STXBP2: variants seen among roughly 807,000 people sequenced by gnomAD.
STXBP2 encodes the protein syntaxin-binding protein 2.
Under a neutral mutation model 72.2 loss-of-function variants are expected in STXBP2, and 47 were observed. That is an observed-to-expected ratio of 0.65 (90% CI 0.51 to 0.83). STXBP2 has a LOEUF of 0.83. Ranked by LOEUF, STXBP2 falls within the 40% of genes least tolerant of loss-of-function variation. The pLI, the probability that STXBP2 is intolerant of heterozygous loss-of-function variation, is 0.00. For synonymous variants in STXBP2, 367 were observed against 338.7 expected (o/e 1.08, Z -0.92); for missense variants, 702 against 807.6 (o/e 0.87, Z 1.58).
chr19:7,630,710 G>A, the STXBP2 span: 2 of 1,531,524 alleles, frequency 1.3e-6, no homozygotes, highest in Non-Finnish European at 1.8e-6. Flanking sequence ...GGGAGAGGGT[G>A]TGGGGCAGCA....
At chr19:7,637,236 T>C in intron 1 of STXBP2, 50 bp downstream of exon 1, 1 of 1,201,068 alleles carries the variant, frequency 8.3e-7, no homozygotes. Flanking sequence ...GGGACGGGGG[T>C]CGGGGACGCA....
In STXBP2 at chr19:7,645,320, G is replaced by A. The variant is rs373620307; in HGVS notation, c.1356+14G>A. 60 of 1,566,960 alleles carry A rather than the reference G, an allele frequency of 3.8e-5. No homozygotes were observed. The East Asian group carries it at 7.6e-4, about 20-fold the overall frequency. Reference sequence around the variant, plus strand: ...ACCAACCCCGGGGTACGCCAGGAGCGGGCATGGGGGGACCCTGGGAGAGGG... The same window carrying A: ...ACCAACCCCGGGGTACGCCAGGAGCAGGCATGGGGGGACCCTGGGAGAGGG... On this transcript the variant is annotated intron_variant, in intron 15 of 18. Coordinates refer to ENST00000221283, the MANE Select transcript of STXBP2 (RefSeq NM_006949.4).
upstream of STXBP2, chr19:7,633,536 G>A (rs558700311): frequency 2.1e-5 from 29 of 1,410,012 alleles, 1 homozygote; most frequent in East Asian, 2.0e-4. Flanking sequence ...CGTCCAGGAC[G>A]TGGGGGTGTG....
intron 13 of STXBP2, among the ~76,000 whole-genome samples, chr19:7,643,891 G>A (rs2032009199): frequency 6.8e-6 from 1 of 147,720 alleles, no homozygotes; most frequent in African/African-American, 2.5e-5. Context: ...GGAGAGGTGG[G>A]ACCTGAGTGA....
chr19:7,633,731 ACT>A (rs1385204112), upstream of STXBP2: 2 of 505,498 alleles, frequency 4.0e-6, no homozygotes, highest in Admixed American at 3.7e-5. Context: ...GACCCCAGGG[ACT>A]CTCAGGTGTG....
At chr19:7,637,323 G>T in intron 1 of STXBP2, 137 bp downstream of exon 1, 1 of 764,934 alleles carries the variant, frequency 1.3e-6, no homozygotes, top group East Asian at 3.5e-5. Context: ...TGACCCTCGA[G>T]GGGGCGGGCG....
At chr19:7,640,461 TGC>T (rs756274596) in intron 4 of STXBP2, 1 of 673,010 alleles carries the variant, frequency 1.5e-6, no homozygotes, top group South Asian at 1.5e-5. Flanking sequence ...TGTATGTGTG[TGC>T]ATCTCTGTGT....
upstream of STXBP2, chr19:7,632,718 C>A: frequency 6.4e-7 from 1 of 1,558,244 alleles, no homozygotes; most frequent in Non-Finnish European, 8.6e-7. This position sits in a 1 kb window ranked among gnomAD's most constrained non-coding sequence, Gnocchi z 5.2. Context: ...ATGCTCACGG[C>A]TCTTGGTGGT....
At chr19:7,646,675 G>C (rs1445608027) in intron 16 of STXBP2, 1 of 444,674 alleles carries the variant, frequency 2.2e-6, no homozygotes, top group African/African-American at 2.0e-5. Context: ...CCATCCAATG[G>C]CAATGGGCCT....
At chr19:7,647,541 C>A in intron 18 of STXBP2, 30 bp downstream of exon 18, 1 of 1,572,792 alleles carries the variant, frequency 6.4e-7, no homozygotes, top group Non-Finnish European at 8.6e-7. Flanking sequence ...ACCCTGGGGT[C>A]TGGGGCTTGG....
the STXBP2 span, chr19:7,630,574 T>C: frequency 6.5e-7 from 1 of 1,536,554 alleles, no homozygotes; most frequent in South Asian, 1.2e-5. Context: ...CCATTCCAGA[T>C]GATAATCTAC....
In STXBP2 at chr19:7,639,812, C is replaced by G. The variant is rs369629603; in HGVS notation, c.246+5C>G. 2.0e-5 allele frequency: 33 copies of G among 1,613,720 alleles called. No individual in the cohort carries two copies. Among genetic ancestry groups the G allele is most frequent in the East Asian group, 4.5e-5 (2 of 44,898 alleles). Reference sequence around the variant, plus strand: ...TTGCTGAGCCCCACGGAGAAGGTGCCTACATGAGTGAGCGTGTGTGTATGC... The same window carrying G: ...TTGCTGAGCCCCACGGAGAAGGTGCGTACATGAGTGAGCGTGTGTGTATGC... On this transcript the variant is annotated splice_donor_5th_base_variant and intron_variant, in intron 4 of 18. Coordinates refer to ENST00000221283, the MANE Select transcript of STXBP2 (RefSeq NM_006949.4).
At chr19:7,641,038 G>C (rs1225514226) in intron 6 of STXBP2, 35 bp downstream of exon 6, 2 of 1,606,488 alleles carry the variant, frequency 1.2e-6, no homozygotes, top group African/African-American at 2.7e-5. Flanking sequence ...AGGGGGTGGG[G>C]GTTTGTGACC....
upstream of STXBP2, chr19:7,632,122 G>A: frequency 5.2e-6 from 3 of 575,940 alleles, no homozygotes; most frequent in South Asian, 2.5e-5. This position sits in a 1 kb window ranked among gnomAD's most constrained non-coding sequence, Gnocchi z 5.2. Context: ...TCCTAGGAAG[G>A]GGTCCTATTT....
chr19:7,640,482 GTGTA>G (rs759104025), intron 4 of STXBP2: 50 of 682,928 alleles, frequency 7.3e-5, no homozygotes, highest in Admixed American at 3.9e-4. Context: ...GTGTGCATGT[GTGTA>G]TGTGTGTGTG....
chr19:7,632,822 G>A (rs940256441), upstream of STXBP2: 3 of 1,551,996 alleles, frequency 1.9e-6, no homozygotes, highest in Admixed American at 1.9e-5. The surrounding 1 kb of genome is among the most constrained non-coding windows in gnomAD (Gnocchi z 5.2). Context: ...CCTGGTCTGG[G>A]GAGCCCGCCT....
At position 7,641,777 on chromosome 19, in the gene STXBP2, C is replaced by A. The variant is rs1207394214; in HGVS notation, c.502C>A (p.Gln168Lys). Residue 168 changes from glutamine to lysine, a missense_variant, in exon 7 of 19, where the codon CAG (glutamine) becomes AAG (lysine). Gln to Lys is a moderately conservative substitution (Grantham distance 53). Transcript: ENST00000221283. ...CPFRAEERTR[Q>K]LEVLAQQIAT... ...CTTCCGGGCAGAGGAGCGCACGCGG[C>A]AGCTCGAGGTGCTGGCCCAGCAGAT... is the stretch of plus-strand genomic sequence containing the variant. The A allele has an allele frequency of 1.3e-6, 2 of 1,551,816 alleles. No homozygotes were observed. Among genetic ancestry groups the A allele is most frequent in the South Asian group, 2.4e-5 (2 of 84,108 alleles).
intron 15 of STXBP2, chr19:7,645,985 TC>T: frequency 1.8e-6 from 1 of 568,824 alleles, no homozygotes; most frequent in Non-Finnish European, 3.2e-6. Context: ...TCTCACTGCT[TC>T]TTATCTCTTT....
At chr19:7,633,342 A>AATTT (rs1555767330), upstream of STXBP2, 1 of 1,465,834 alleles carries the variant, frequency 6.8e-7, no homozygotes, top group Non-Finnish European at 9.3e-7. Flanking sequence ...CCTACAAACT[A>AATTT]GTCTTGTCAA....
Sources: allele counts gnomAD v4.1 joint callset (sites outside exome capture counted in the v4.1 genomes callset), GRCh38; gene constraint gnomAD v4.1.1; non-coding constraint Gnocchi (gnomAD v3.1); transcripts MANE v1.5; gene names NCBI Gene and HGNC (gene_info 2026-07-23, HGNC 2026-07-21).